Variants in AKAP8 observed in about 807,000 individuals in gnomAD.
AKAP8 encodes the protein A-kinase anchoring protein 8.
In AKAP8, 24 loss-of-function variants were observed where a neutral mutation model predicts 67.5. The ratio of observed to expected loss-of-function variants is 0.36; its 90% CI spans 0.26 to 0.50. The LOEUF is 0.50. Among genes scored for constraint, AKAP8 ranks in the 20% least tolerant of loss-of-function variants. The pLI, the probability that AKAP8 is intolerant of heterozygous loss-of-function variation, is 0.97. For missense variants in AKAP8, 971 were observed against 955.9 expected, an observed-to-expected ratio of 1.02 and a Z score of -0.21; for synonymous variants, 400 against 371.1, an observed-to-expected ratio of 1.08 and a Z score of -0.90.
chr19:15,364,122 AAAAG>A (rs1215438941), intron 9 of AKAP8, among the ~76,000 whole-genome samples: 1 of 144,916 alleles, frequency 6.9e-6, no homozygotes, highest in Admixed American at 6.9e-5. Context: ...AAAAAAAAAA[AAAAG>A]AAACAGGATT....
intron 2 of AKAP8, among the ~76,000 whole-genome samples, chr19:15,375,329 G>A (rs529891340): frequency 5.3e-5 from 8 of 152,174 alleles, no homozygotes; most frequent in Non-Finnish European, 1.2e-4. Flanking sequence ...CCCACTTCCC[G>A]CCTTGGCACA....
chr19:15,355,668 G>C (rs2048273626), intron 13 of AKAP8, among the ~76,000 whole-genome samples: 1 of 151,822 alleles, frequency 6.6e-6, no homozygotes, highest in African/African-American at 2.4e-5. Context: ...GTAGAGATGG[G>C]GTTTCCACCC....
At chr19:15,371,677 CG>C (rs1467578759) in intron 7 of AKAP8, among the ~76,000 whole-genome samples, 2 of 151,930 alleles carry the variant, frequency 1.3e-5, no homozygotes, top group African/African-American at 2.4e-5. Flanking sequence ...TTAATCGAGA[CG>C]GGGTTTCACC....
chr19:15,361,254 G>A (rs990737872), intron 11 of AKAP8, among the ~76,000 whole-genome samples: 9 of 95,606 alleles, frequency 9.4e-5, no homozygotes, highest in Non-Finnish European at 1.4e-4. Flanking sequence ...ATCTATGCAA[G>A]GCCACATCCG....
intron 1 of AKAP8, 125 bp from the exon 2 acceptor site, chr19:15,377,139 C>G (rs1967267186): frequency 1.9e-6 from 2 of 1,058,734 alleles, no homozygotes; most frequent in Admixed American, 5.4e-5. Context: ...AGACTCCCCC[C>G]CACCCCACCA....
At chr19:15,367,477 G>A (rs547446947) in intron 9 of AKAP8, among the ~76,000 whole-genome samples, 98 of 152,250 alleles carry the variant, frequency 6.4e-4, no homozygotes, top group Non-Finnish European at 1.2e-3. Flanking sequence ...ATAGTGAGCC[G>A]AGATTATGCT....
chr19:15,377,170 T>G (rs975475214), intron 1 of AKAP8, among the ~76,000 whole-genome samples, 156 bp from the exon 2 acceptor site: 1 of 151,952 alleles, frequency 6.6e-6, no homozygotes, highest in Non-Finnish European at 1.5e-5. Context: ...ATCACACAAC[T>G]GGCTAATGGC....
At position 15,353,480 on chromosome 19, in the gene AKAP8, A is replaced by G. The variant is rs1309062615; in HGVS notation, c.*1435T>C. On this transcript the variant is annotated 3_prime_UTR_variant, in exon 14 of 14. Transcript: ENST00000269701. ...CCCTGCGATTAAGACGCATCTACAC[A>G]ACACAAACGGATGCTGAGCAGAAAT... The G allele has an allele frequency of 1.3e-5, 2 of 152,058 alleles. No individual in the cohort carries two copies. The highest frequency in any genetic ancestry group is 6.6e-5 in the Admixed American group (1 of 15,214). The allele number at this position is 152,058 out of a possible 1,614,324, so 9.4% of individuals were successfully genotyped here.
chr19:15,366,154 G>GAAAAAAGA (rs1967066174), intron 9 of AKAP8, among the ~76,000 whole-genome samples: 2 of 95,028 alleles, frequency 2.1e-5, no homozygotes, highest in African/African-American at 8.5e-5. Flanking sequence ...AAAGCAAAAA[G>GAAAAAAGA]AAAAAAAAAA....
At chr19:15,371,686 A>C (rs999938129) in intron 7 of AKAP8, among the ~76,000 whole-genome samples, 3 of 151,870 alleles carry the variant, frequency 2.0e-5, no homozygotes, top group Non-Finnish European at 4.4e-5. Flanking sequence ...ACGGGGTTTC[A>C]CCATGTTGGC....
rs776467913 is a variant in AKAP8, at chr19:15,372,882, C to T, written c.830G>A (p.Arg277His). Residue 277 changes from arginine to histidine, a missense_variant, in exon 5 of 14, where the codon CGC (arginine) becomes CAC (histidine). Around this residue, in one of 3 missense-constraint regions of AKAP8, gnomAD observed 763 missense variants for 745.4 expected, o/e 1.02. Transcript: ENST00000269701. ...CCGATCCCGCATCCGAGGCTGCGAG[C>T]GGCCACATCCGTAGGGCATGGTGCT... ...YDSTMPYGCGRSQPRMRDRDR... is the reference protein window; with the variant it reads ...YDSTMPYGCGHSQPRMRDRDR... 23 of 1,501,514 alleles carry T rather than the reference C, an allele frequency of 1.5e-5. No individual in the cohort carries two copies. The highest frequency in any genetic ancestry group is 7.0e-5 in the East Asian group (3 of 43,120). The allele number at this position is 1,501,514 out of a possible 1,614,324, so 93.0% of individuals were successfully genotyped here.
chr19:15,373,331 G>A lies in AKAP8; in HGVS notation c.381C>T (p.Arg127=), dbSNP rs1297501890. Residue 127 remains arginine (R), a synonymous_variant, in exon 5 of 14, where the codon CGC becomes CGT. Coordinates refer to ENST00000269701, the MANE Select transcript of AKAP8 (RefSeq NM_005858.4). ...AGTCATAGGACTCGAACGGCTGGAAGCGGAAGGAGCTGCAACAGAAGCACA... is the reference window on the plus strand; with the variant it reads ...AGTCATAGGACTCGAACGGCTGGAAACGGAAGGAGCTGCAACAGAAGCACA... The part of the protein sequence containing the change: ...EGIQDRESSF[R]FQPFESYDSR... The A allele has an allele frequency of 1.9e-6, 3 of 1,606,554 alleles. No individual in the cohort carries two copies. The highest frequency in any genetic ancestry group is 1.3e-5 in the African/African-American group (1 of 74,972).
rs558615660 is a variant in AKAP8, at chr19:15,373,227, C to A, written c.485G>T (p.Arg162Leu). The A allele has an allele frequency of 6.2e-7, 1 of 1,613,864 alleles. No individual in the cohort carries two copies. The highest frequency in any genetic ancestry group is 1.3e-5 in the African/African-American group (1 of 74,940). The stretch of plus-strand genomic sequence containing the variant: ...GTACTGCCCCCCAAAGCTGCCATTG[C>A]GGTCGGACCCCAGGTCGAACTCATA... ...YDYEFDLGSD[R>L]NGSFGGQYSE... The change falls in exon 5 of 14, where the codon CGC (arginine) becomes CTC (leucine). Residue 162 changes from arginine (R) to leucine (L), a missense_variant. Physicochemically the swap from Arg to Leu is moderately radical, Grantham distance 102 (BLOSUM62 -2). This residue lies in a region of AKAP8 where 763 missense variants were observed against 745.4 expected (regional missense o/e 1.02). Coordinates refer to ENST00000269701, the MANE Select transcript of AKAP8 (RefSeq NM_005858.4).
intron 8 of AKAP8, chr19:15,368,744 C>G (rs768326373): frequency 3.0e-6 from 3 of 985,344 alleles, no homozygotes; most frequent in Middle Eastern, 5.2e-4. Flanking sequence ...GCAGCTGCTC[C>G]GCCGCCCTCT....
At chr19:15,374,139 G>A (rs568454382) in intron 3 of AKAP8, 74 bp from the exon 4 acceptor site, 1 of 1,489,290 alleles carries the variant, frequency 6.7e-7, no homozygotes, top group African/African-American at 1.4e-5. Context: ...AACCGGGGAG[G>A]GGCACCCGCT....
At chr19:15,378,910 C>T (rs1436840206) in intron 1 of AKAP8, 1 of 152,942 alleles carries the variant, frequency 6.5e-6, no homozygotes, top group Non-Finnish European at 1.5e-5. Context: ...CTGCACAGCC[C>T]CTCGGCCCCT....
intron 9 of AKAP8, among the ~76,000 whole-genome samples, chr19:15,365,060 A>C (rs1369525007): frequency 2.0e-5 from 3 of 152,190 alleles, no homozygotes; most frequent in Non-Finnish European, 2.9e-5. Flanking sequence ...ATCTGCTGGC[A>C]CTGCAGCCCC....
At chr19:15,368,497 G>C in intron 8 of AKAP8, 175 bp from the exon 9 acceptor site, 1 of 985,288 alleles carries the variant, frequency 1.0e-6, no homozygotes, top group Non-Finnish European at 1.2e-6. Context: ...TGGTGGACAC[G>C]GGCCTGGAGT....
At chr19:15,377,099 T>G in intron 1 of AKAP8, 85 bp from the exon 2 acceptor site, 1 of 1,467,130 alleles carries the variant, frequency 6.8e-7, no homozygotes, top group Non-Finnish European at 9.4e-7. Context: ...GGGATCTCCT[T>G]ACAGTTCAGT....
Sources: gnomAD v4.1 joint callset for allele counts (sites outside exome capture counted in the v4.1 genomes callset) on GRCh38, gnomAD v4.1.1 for gene constraint, gnomAD v4.1.1 regional missense constraint, MANE v1.5 for transcripts, NCBI Gene and HGNC (gene_info 2026-07-23, HGNC 2026-07-21) for gene names.